EYS: variants seen among roughly 807,000 people sequenced by gnomAD.
EYS encodes EGF-like photoreceptor maintenance factor.
In EYS, 250 loss-of-function variants were observed where a neutral mutation model predicts 282.1. That is an observed-to-expected ratio of 0.89 (90% confidence interval 0.80 to 0.98). The LOEUF is 0.98. Among genes scored for constraint, EYS ranks in the 50% least tolerant of loss-of-function variants. The pLI is 0.00. For missense variants in EYS, 4,016 were observed against 3,709.0 expected, an observed-to-expected ratio of 1.08 and a Z score of -2.15; for synonymous variants, 1,355 against 1,282.9, an observed-to-expected ratio of 1.06 and a Z score of -1.20.
At chr6:65,371,708 CCTCTCTCTCTCTCTCTCT>C (rs140879689) in intron 8 of EYS, among the ~76,000 whole-genome samples, 6 of 119,172 alleles carry the variant, frequency 5.0e-5, no homozygotes, top group African/African-American at 1.1e-4. Context: ...TCTCTCTCTC[CCTCTCTCTCTCTCTCTCT>C]CTCTCTCTCT....
At chr6:64,788,985 C>T (rs1177608694) in intron 22 of EYS, among the ~76,000 whole-genome samples, 2 of 152,062 alleles carry the variant, frequency 1.3e-5, no homozygotes, top group Admixed American at 1.3e-4. Flanking sequence ...AATTTTCAAC[C>T]TCTCATTCAG....
At chr6:65,452,739 A>G (rs1018346180) in intron 5 of EYS, among the ~76,000 whole-genome samples, 1 of 152,060 alleles carries the variant, frequency 6.6e-6, no homozygotes, top group Non-Finnish European at 1.5e-5. Context: ...AGTATCTTAC[A>G]GTCCAAGATA....
rs370524639 is a variant in EYS, at chr6:65,256,179, C to T, written c.2023+39684G>A. On this transcript the variant is annotated intron_variant, in intron 12 of 42. Coordinates refer to ENST00000503581, the MANE Select transcript of EYS (RefSeq NM_001142800.2). Reference sequence around the variant, plus strand: ...TACTATTCAGTCATAAAAAAGAATGCGGTCCTATCATTGGCAACAACATGA... The same window carrying T: ...TACTATTCAGTCATAAAAAAGAATGTGGTCCTATCATTGGCAACAACATGA... Among the ~76,000 whole-genome samples, 39 of 151,454 alleles carry T rather than the reference C, an allele frequency of 2.6e-4. No individual in the cohort carries two copies. In the East Asian group the frequency reaches 4.9e-3, roughly 19 times the overall value.
At chr6:65,206,975 T>C (rs1238840383) in intron 12 of EYS, among the ~76,000 whole-genome samples, 1 of 151,834 alleles carries the variant, frequency 6.6e-6, no homozygotes, top group African/African-American at 2.4e-5. Context: ...AAGAAAAGGA[T>C]GTTCCCTCTC....
chr6:64,706,126 T>C (rs1226936003), intron 22 of EYS, among the ~76,000 whole-genome samples: 3 of 150,750 alleles, frequency 2.0e-5, no homozygotes, highest in African/African-American at 7.3e-5. Flanking sequence ...AATAAGCACA[T>C]AGATCAATGG....
intron 31 of EYS, among the ~76,000 whole-genome samples, chr6:64,220,039 G>A (rs1001798878): frequency 1.1e-4 from 16 of 152,120 alleles, no homozygotes; most frequent in African/African-American, 3.6e-4. Flanking sequence ...TGTGGGGTGA[G>A]GGGGAGGGAG....
At chr6:63,773,353 A>T (rs1391589134) in intron 40 of EYS, among the ~76,000 whole-genome samples, 1 of 152,196 alleles carries the variant, frequency 6.6e-6, no homozygotes, top group Non-Finnish European at 1.5e-5. Context: ...AGAGAAAAGC[A>T]AAGGGAGGAG....
At chr6:65,018,362 C>T (rs912408325) in intron 13 of EYS, among the ~76,000 whole-genome samples, 35 of 152,094 alleles carry the variant, frequency 2.3e-4, no homozygotes, top group African/African-American at 4.8e-5. Flanking sequence ...TTTGGCATCC[C>T]GTAGTTGTAG....
intron 40 of EYS, among the ~76,000 whole-genome samples, chr6:63,763,316 C>A (rs1016481002): frequency 1.3e-5 from 2 of 151,890 alleles, no homozygotes; most frequent in East Asian, 3.9e-4. Context: ...GGGAGGAGCC[C>A]AGCAGAAAAC....
At chr6:64,815,264 G>C (rs374485281) in intron 21 of EYS, 3 of 454,410 alleles carry the variant, frequency 6.6e-6, no homozygotes, top group Admixed American at 2.5e-5. Context: ...GCACATAGTA[G>C]ACTATCCTGT....
intron 15 of EYS, among the ~76,000 whole-genome samples, chr6:64,934,215 G>A (rs1054745833): frequency 5.9e-5 from 9 of 151,710 alleles, no homozygotes; most frequent in African/African-American, 1.9e-4. Context: ...GAAGAAAGAA[G>A]TAGTGAACAT....
At chr6:63,903,165 C>A (rs1215123337) in intron 35 of EYS, among the ~76,000 whole-genome samples, 3 of 151,988 alleles carry the variant, frequency 2.0e-5, no homozygotes, top group African/African-American at 7.3e-5. Flanking sequence ...GAAAGAAACA[C>A]AGATTTGAGG....
At chr6:64,888,009 G>A (rs575304420) in intron 18 of EYS, among the ~76,000 whole-genome samples, 1 of 151,966 alleles carries the variant, frequency 6.6e-6, no homozygotes, top group South Asian at 2.1e-4. Context: ...TGTCCTCCAG[G>A]ATCATGTATG....
intron 30 of EYS, among the ~76,000 whole-genome samples, chr6:64,288,734 A>C (rs774267405): frequency 6.6e-6 from 1 of 152,076 alleles, no homozygotes; most frequent in Non-Finnish European, 1.5e-5. Flanking sequence ...CATCATAAAA[A>C]TTTGCTCCTC....
chr6:64,062,871 A>ATTTGG (rs1771226555), intron 33 of EYS, among the ~76,000 whole-genome samples: 1 of 152,024 alleles, frequency 6.6e-6, no homozygotes, highest in Non-Finnish European at 1.5e-5. Context: ...TTCCAAATTA[A>ATTTGG]AACTTCAAAG....
intron 19 of EYS, among the ~76,000 whole-genome samples, chr6:64,833,416 T>C (rs1413743266): frequency 6.6e-6 from 1 of 151,820 alleles, no homozygotes; most frequent in Non-Finnish European, 1.5e-5. Flanking sequence ...AGTGTAAAAA[T>C]ATTGAAATGT....
intron 35 of EYS, among the ~76,000 whole-genome samples, chr6:63,893,398 A>C (rs879434606): frequency 2.1e-5 from 3 of 146,212 alleles, no homozygotes; most frequent in Non-Finnish European, 4.6e-5. Flanking sequence ...ATGCAGCCAT[A>C]AAAAAAGGAT....
At position 64,837,513 on chromosome 6, in the gene EYS, C is replaced by T. The variant is rs552328195; in HGVS notation, c.2993-14691G>A. Among the ~76,000 whole-genome samples the T allele has an allele frequency of 8.7e-5, 13 of 149,476 alleles. No individual in the cohort carries two copies. In the East Asian group the frequency reaches 2.5e-3, roughly 29 times the overall value. ...GGTAAGAGAAAGAAATAAAAAACAT[C>T]AAAATGAAAAAAGAGTAAGTCAAAT... On this transcript the variant is annotated intron_variant, in intron 19 of 42. Coordinates refer to ENST00000503581, the MANE Select transcript of EYS (RefSeq NM_001142800.2).
At chr6:64,426,542 T>A (rs963028824) in intron 28 of EYS, among the ~76,000 whole-genome samples, 12 of 151,984 alleles carry the variant, frequency 7.9e-5, no homozygotes, top group Non-Finnish European at 1.6e-4. Flanking sequence ...TTTAAAGCCT[T>A]TTTTTTTCTT....
Sources: gnomAD v4.1 joint callset for allele counts (sites outside exome capture counted in the v4.1 genomes callset) on GRCh38, gnomAD v4.1.1 for gene constraint, MANE v1.5 for transcripts, NCBI Gene and HGNC (gene_info 2026-07-23, HGNC 2026-07-21) for gene names.